The following TSPAN14 variants were observed in gnomAD, a reference collection of about 807,000 sequenced individuals.
The protein encoded by TSPAN14 is tetraspanin 14.
Under a neutral mutation model 36.6 loss-of-function variants are expected in TSPAN14, and 16 were observed. The observed-to-expected ratio is 0.44, with a 90% confidence interval of 0.30 to 0.66. The LOEUF (loss-of-function observed/expected upper bound fraction) is 0.66, where lower values mean the gene tolerates loss of function less well. Ranked by LOEUF, TSPAN14 falls within the 30% of genes least tolerant of loss-of-function variation. TSPAN14 has a pLI of 0.12. For synonymous variants in TSPAN14, 139 were observed against 143.8 expected (o/e 0.97, Z 0.24); for missense variants, 231 against 355.1 (o/e 0.65, Z 2.81).
intron 1 of TSPAN14, among the ~76,000 whole-genome samples, chr10:80,476,650 C>T (rs941705476): frequency 2.6e-5 from 4 of 151,808 alleles, no homozygotes; most frequent in African/African-American, 4.8e-5. Context: ...ATCCTGACCT[C>T]GTGATCTGCC....
intron 1 of TSPAN14, among the ~76,000 whole-genome samples, chr10:80,483,241 C>T (rs1040065479): frequency 5.3e-5 from 8 of 152,134 alleles, no homozygotes; most frequent in East Asian, 1.9e-4. Context: ...CAACCAGCAG[C>T]GGCCCCATTT....
chr10:80,495,935 A>G (rs1848175794), intron 2 of TSPAN14, among the ~76,000 whole-genome samples: 1 of 151,616 alleles, frequency 6.6e-6, no homozygotes, highest in South Asian at 2.1e-4. Context: ...GCCCCACCCT[A>G]CCCCTTCCCT....
exon 9 of TSPAN14, chr10:80,518,977 C>T (rs1841101731): frequency 6.5e-6 from 1 of 153,042 alleles, no homozygotes; most frequent in Non-Finnish European, 1.5e-5. Context: ...CTCCCCCACT[C>T]CCCAGCGTGG....
At chr10:80,506,220 T>C (rs1840289671) in intron 3 of TSPAN14, among the ~76,000 whole-genome samples, 1 of 152,168 alleles carries the variant, frequency 6.6e-6, no homozygotes, top group Admixed American at 6.5e-5. Context: ...TGATCTGCCC[T>C]CCTCGGCCTC....
chr10:80,470,521 GC>G (rs1846487124), intron 1 of TSPAN14, among the ~76,000 whole-genome samples: 3 of 152,252 alleles, frequency 2.0e-5, no homozygotes, highest in Non-Finnish European at 4.4e-5. Flanking sequence ...TAATCTTTAT[GC>G]CTTTCAGGCG....
At chr10:80,482,256 C>T (rs1018995021) in intron 1 of TSPAN14, among the ~76,000 whole-genome samples, 1 of 152,122 alleles carries the variant, frequency 6.6e-6, no homozygotes, top group African/African-American at 2.4e-5. Flanking sequence ...CTACAATGCA[C>T]GGCATGTGAT....
At chr10:80,476,202 T>A (rs1846873494) in intron 1 of TSPAN14, among the ~76,000 whole-genome samples, 1 of 151,788 alleles carries the variant, frequency 6.6e-6, no homozygotes, top group Non-Finnish European at 1.5e-5. Context: ...TGAGACCCTG[T>A]CTCTTAAAAA....
At chr10:80,460,390 C>T (rs1845911285) in intron 1 of TSPAN14, among the ~76,000 whole-genome samples, 1 of 152,126 alleles carries the variant, frequency 6.6e-6, no homozygotes, top group African/African-American at 2.4e-5. Flanking sequence ...AGGAGTTTTG[C>T]TAAAACTAGG....
At chr10:80,468,737 T>C (rs1846376048) in intron 1 of TSPAN14, 2 of 149,428 alleles carry the variant, frequency 1.3e-5, no homozygotes, top group South Asian at 4.2e-4. Flanking sequence ...TTTTTTTTTT[T>C]GTGAGATAGG....
chr10:80,521,912 A>G (rs979344897), exon 9 of TSPAN14: 2 of 93,572 alleles, frequency 2.1e-5, no homozygotes, highest in African/African-American at 1.1e-4. Context: ...CTCAAAAAAG[A>G]AAAAAAAAAA....
chr10:80,469,628 T>G lies in TSPAN14; in HGVS notation c.-18+15257T>G, dbSNP rs533125454. Among the ~76,000 whole-genome samples, 89 of 152,302 alleles carry G rather than the reference T, an allele frequency of 5.8e-4. 4 individuals carry two copies. In the South Asian group the frequency reaches 0.016, roughly 27 times the overall value. ...TTTCCTCTCAGCCTTTTCCAGCAGT[T>G]TCTCACCATTGATTTGCAGTTTAAA... On this transcript the variant is annotated intron_variant, in intron 1 of 8. Coordinates refer to ENST00000429989, the Ensembl canonical transcript of TSPAN14.
chr10:80,493,216 A>T (rs1848015582), intron 2 of TSPAN14, among the ~76,000 whole-genome samples: 2 of 152,206 alleles, frequency 1.3e-5, no homozygotes, highest in Non-Finnish European at 1.5e-5. Context: ...ACCACTTCAC[A>T]CCCATTGGGA....
At chr10:80,512,006 G>A (rs1189187776) in intron 5 of TSPAN14, 138 bp from the exon 6 acceptor site, 11 of 1,347,294 alleles carry the variant, frequency 8.2e-6, no homozygotes, top group Non-Finnish European at 7.1e-6. Flanking sequence ...GCACATGGGA[G>A]GTAGGGGGCG....
chr10:80,502,135 G>A (rs1042173122), intron 2 of TSPAN14, among the ~76,000 whole-genome samples: 11 of 152,188 alleles, frequency 7.2e-5, no homozygotes, highest in African/African-American at 2.7e-4. Context: ...GAGCATTGCC[G>A]GCTGAGGGAA....
At position 80,518,386 on chromosome 10, in the gene TSPAN14, G is replaced by A. The variant is rs373181119; in HGVS notation, c.*410G>A. ...GGTCATCCACATCTGTGGGTGGGCCGTGGGTAGAGGGACCCACAGGCGTGG... is the reference window on the plus strand; with the variant it reads ...GGTCATCCACATCTGTGGGTGGGCCATGGGTAGAGGGACCCACAGGCGTGG... On this transcript the variant is annotated 3_prime_UTR_variant, in exon 9 of 9. Transcript: ENST00000429989. The A allele has an allele frequency of 5.3e-4, 117 of 221,664 alleles. 2 individuals are homozygous for A. The South Asian group carries it at 6.5e-3, about 12-fold the overall frequency. The allele number at this position is 221,664 out of a possible 1,614,324, so 13.7% of individuals were successfully genotyped here. A position where few individuals can be genotyped will look rare whatever the true frequency, so the allele number is the denominator to read the frequency against.
intron 2 of TSPAN14, among the ~76,000 whole-genome samples, chr10:80,496,406 A>G (rs532712418): frequency 9.8e-5 from 15 of 152,318 alleles, no homozygotes; most frequent in African/African-American, 3.1e-4. Flanking sequence ...TCCCACCTCC[A>G]GGCTGACTTC....
At chr10:80,519,680 C>T (rs1160325447) in exon 9 of TSPAN14, 1 of 152,354 alleles carries the variant, frequency 6.6e-6, no homozygotes, top group Non-Finnish European at 1.5e-5. Context: ...TATTGCTAAG[C>T]ATCTCAGTGG....
chr10:80,480,926 A>G (rs1294460958), intron 1 of TSPAN14, among the ~76,000 whole-genome samples: 1 of 152,126 alleles, frequency 6.6e-6, no homozygotes, highest in Non-Finnish European at 1.5e-5. Flanking sequence ...AACTTAAAGT[A>G]TAATAATAAT....
Position 80,509,349 on chromosome 10 carries a change from G to A in TSPAN14, c.328G>A (p.Val110Met), listed in dbSNP as rs771079850. The A allele has an allele frequency of 2.3e-5, 37 of 1,614,014 alleles. No homozygotes were observed. Among genetic ancestry groups the A allele is most frequent in the African/African-American group, 8.0e-5 (6 of 74,916 alleles). Residue 110 changes from valine to methionine, a missense_variant, in exon 5 of 9, where the codon GTG (valine) becomes ATG (methionine). Coordinates refer to ENST00000429989, the Ensembl canonical transcript of TSPAN14. This position sits in a 1 kb window ranked among gnomAD's most constrained non-coding sequence, Gnocchi z 4.7. ...CTTCTTCCTGGAGCTGGCTGTGGCC[G>A]TGCTGGCCTTCCTGTTCCAGGACTG... is the stretch of plus-strand genomic sequence containing the variant.
Sources: allele counts gnomAD v4.1 joint callset (sites outside exome capture counted in the v4.1 genomes callset), GRCh38; gene constraint gnomAD v4.1.1; non-coding constraint Gnocchi (gnomAD v3.1); transcripts MANE v1.5; gene names NCBI Gene and HGNC (gene_info 2026-07-23, HGNC 2026-07-21).